Variants in RGS6 observed in about 807,000 individuals in gnomAD.
The protein encoded by RGS6 is regulator of G protein signaling 6, also known as regulator of G-protein signaling 6.
In RGS6, 30 loss-of-function variants were observed where a neutral mutation model predicts 78.5. The ratio of observed to expected loss-of-function variants is 0.38; its 90% CI spans 0.29 to 0.52. The LOEUF is 0.52. Ranked by LOEUF, RGS6 falls within the 20% of genes least tolerant of loss-of-function variation. The pLI is 0.85. For synonymous variants in RGS6, 206 were observed against 206.0 expected, an observed-to-expected ratio of 1.00 and a Z score of 0.00; for missense variants, 495 against 609.7, an observed-to-expected ratio of 0.81 and a Z score of 1.98.
chr14:71,935,902 C>G (rs1000210998), intron 1 of RGS6, among the ~76,000 whole-genome samples: 10 of 150,850 alleles, frequency 6.6e-5, no homozygotes, highest in South Asian at 2.1e-4. Flanking sequence ...AGATGGGGCC[C>G]GAGAAGGTAC....
intron 2 of RGS6, among the ~76,000 whole-genome samples, chr14:72,259,910 C>CAAAAAAAAAAAATAAA (rs2057814114): frequency 1.5e-5 from 1 of 68,410 alleles, no homozygotes. Flanking sequence ...GACTCCGTCT[C>CAAAAAAAAAAAATAAA]AAAAAAAAAA....
At chr14:72,349,950 C>A (rs1210788411) in intron 2 of RGS6, among the ~76,000 whole-genome samples, 1 of 152,166 alleles carries the variant, frequency 6.6e-6, no homozygotes, top group Admixed American at 6.5e-5. Context: ...TATGCTAGAT[C>A]AAAAGCATAA....
intron 2 of RGS6, among the ~76,000 whole-genome samples, chr14:72,307,551 A>G (rs1411183749): frequency 6.6e-6 from 1 of 152,188 alleles, no homozygotes; most frequent in Non-Finnish European, 1.5e-5. Context: ...ATACAATGTC[A>G]TATTTATCAA....
At chr14:72,282,020 G>T (rs1347986792) in intron 2 of RGS6, among the ~76,000 whole-genome samples, 1 of 152,180 alleles carries the variant, frequency 6.6e-6, no homozygotes, top group Non-Finnish European at 1.5e-5. Flanking sequence ...CACTTATGGA[G>T]CAACTGTAGG....
rs971107440 is a variant in RGS6, at chr14:71,978,025, A to G, written c.84+13150A>G. ...TAGGTATTTTATTCTCTTTGAAGCA[A>G]TTGTGAATGGAGTTCACTCATGATT... On this transcript the variant is annotated intron_variant, in intron 2 of 17. Transcript: ENST00000553525. 3.4e-4 allele frequency among the ~76,000 whole-genome samples: 52 copies of G among 151,640 alleles called. 1 individual carries two copies. In the East Asian group the frequency reaches 9.6e-3, roughly 28 times the overall value.
rs58303649 is a variant in RGS6, at chr14:72,323,800, C to CA, written c.85-28254dup. On this transcript the variant is annotated intron_variant, in intron 2 of 17. Transcript: ENST00000553525. The stretch of plus-strand genomic sequence containing the variant: ...TGGGTGACAGAGTGAGACTCCATCT[C>CA]AAAAAAAAAAAAAAAAAAAAAAAAA... Among the ~76,000 whole-genome samples, 93 of 16,814 alleles carry CA rather than the reference C, an allele frequency of 5.5e-3. 17 individuals are homozygous for CA. Among genetic ancestry groups the CA allele is most frequent in the Admixed American group, 6.9e-3 (6 of 864 alleles). The allele number at this position is 16,814 out of a possible 152,430, so 11.0% of individuals were successfully genotyped here.
rs2095724932 is a variant in RGS6 at position 72,459,620 on chromosome 14, G to A, written c.343-12G>A. On this transcript the variant is annotated splice_polypyrimidine_tract_variant and intron_variant, in intron 5 of 17. Coordinates refer to ENST00000553525, the MANE Select transcript of RGS6 (RefSeq NM_001204424.2). ...CGCGCCCCTGAGCACTAACACCCAT[G>A]CTCCTTTGCAGGCTCCGTACTTCTG... The A allele has an allele frequency of 6.2e-7, 1 of 1,613,926 alleles. No homozygotes were observed. Among genetic ancestry groups the A allele is most frequent in the Admixed American group, 1.7e-5 (1 of 60,008 alleles).
chr14:72,588,688 C>A, the RGS6 span, among the ~76,000 whole-genome samples: 1 of 152,202 alleles, frequency 6.6e-6, no homozygotes, highest in Non-Finnish European at 1.5e-5. Flanking sequence ...CCACGCATGT[C>A]ACTGTTATGC....
chr14:72,301,652 G>A (rs188027714), intron 2 of RGS6, among the ~76,000 whole-genome samples: 9 of 152,282 alleles, frequency 5.9e-5, no homozygotes, highest in Admixed American at 5.2e-4. Context: ...TCAAGACTGG[G>A]ATATTGGCAG....
At chr14:72,240,327 T>C (rs541623837) in intron 2 of RGS6, among the ~76,000 whole-genome samples, 1 of 151,886 alleles carries the variant, frequency 6.6e-6, no homozygotes, top group East Asian at 1.9e-4. Context: ...TTAATCGGGG[T>C]GGGGGGGATT....
the RGS6 span, among the ~76,000 whole-genome samples, chr14:72,625,427 T>C: frequency 6.6e-6 from 1 of 152,238 alleles, no homozygotes. Context: ...GAAAATATCC[T>C]TTCATTTTTT....
intron 3 of RGS6, among the ~76,000 whole-genome samples, chr14:72,414,280 C>G (rs1427043105): frequency 6.6e-6 from 1 of 152,104 alleles, no homozygotes; most frequent in African/African-American, 2.4e-5. Context: ...ATTCTTTTTT[C>G]TCTAAACTTC....
intron 3 of RGS6, among the ~76,000 whole-genome samples, chr14:72,399,775 C>A (rs953133128): frequency 6.6e-6 from 1 of 152,106 alleles, no homozygotes; most frequent in African/African-American, 2.4e-5. Context: ...TATTTTATTT[C>A]TCCTTCACTT....
At chr14:71,946,898 G>A (rs781662624) in intron 1 of RGS6, among the ~76,000 whole-genome samples, 5 of 152,126 alleles carry the variant, frequency 3.3e-5, no homozygotes, top group African/African-American at 4.8e-5. Context: ...GGAAACCTAG[G>A]TTTAAGCAAA....
chr14:72,210,320 G>A lies in RGS6; in HGVS notation c.85-141775G>A, dbSNP rs571555799. Among the ~76,000 whole-genome samples the A allele has an allele frequency of 3.9e-5, 6 of 152,240 alleles. No homozygotes were observed. In the East Asian group the frequency reaches 1.2e-3, roughly 29 times the overall value. On this transcript the variant is annotated intron_variant, in intron 2 of 17. Transcript: ENST00000553525. ...TTGCTGCTAGAGAGGTGAGCTTCCA[G>A]GGGCTCCTAGTTCAGGTTGCTTGTA...
intron 15 of RGS6, among the ~76,000 whole-genome samples, chr14:72,532,837 GA>G (rs1235459629): frequency 2.0e-5 from 3 of 152,316 alleles, no homozygotes; most frequent in African/African-American, 7.2e-5. Context: ...AGAAAAGTTT[GA>G]AGCTAACAGA....
intron 2 of RGS6, among the ~76,000 whole-genome samples, chr14:72,200,896 G>A (rs58565947): frequency 0.01 from 1,567 of 149,776 alleles, 23 homozygotes; most frequent in African/African-American, 0.036. Flanking sequence ...CAAAGGATGA[G>A]GGGGGTTGGT....
At chr14:72,178,459 C>T (rs749960848) in intron 2 of RGS6, among the ~76,000 whole-genome samples, 1 of 152,206 alleles carries the variant, frequency 6.6e-6, no homozygotes, top group Non-Finnish European at 1.5e-5. Context: ...AGTTCCAGTT[C>T]GCTCTTTCAA....
At chr14:72,078,846 AT>A (rs528973701) in intron 2 of RGS6, among the ~76,000 whole-genome samples, 247 of 152,180 alleles carry the variant, frequency 1.6e-3, no homozygotes, top group Admixed American at 3.9e-3. Context: ...TTTAGCTTAT[AT>A]TTTGATTTTA....
Sources: gnomAD v4.1 joint callset for allele counts (sites outside exome capture counted in the v4.1 genomes callset) on GRCh38, gnomAD v4.1.1 for gene constraint, MANE v1.5 for transcripts, NCBI Gene and HGNC (gene_info 2026-07-23, HGNC 2026-07-21) for gene names.